Variants in PIEZO2 observed in about 807,000 individuals in gnomAD.
The protein encoded by PIEZO2 is piezo type mechanosensitive ion channel component 2, also known as piezo-type mechanosensitive ion channel component 2.
Under a neutral mutation model 337.3 loss-of-function variants are expected in PIEZO2, and 172 were observed. The observed-to-expected ratio is 0.51, with a 90% CI of 0.45 to 0.58. The LOEUF (loss-of-function observed/expected upper bound fraction) is 0.58, where lower values mean the gene tolerates loss of function less well. PIEZO2 is among the 20% of genes least tolerant of loss of function. The probability of loss-of-function intolerance (pLI) is 0.00; values close to 1 mark genes in which losing one functional copy is unlikely to be tolerated. For missense variants in PIEZO2, 3,028 were observed against 3,391.3 expected, an observed-to-expected ratio of 0.89 and a Z score of 2.66; for synonymous variants, 1,251 against 1,228.5, an observed-to-expected ratio of 1.02 and a Z score of -0.38.
intron 4 of PIEZO2, among the ~76,000 whole-genome samples, chr18:10,901,557 T>C (rs772844418): frequency 1.3e-5 from 2 of 152,022 alleles, no homozygotes; most frequent in Non-Finnish European, 2.9e-5. Context: ...GCGTTCAGAG[T>C]TCAAATCTGC....
chr18:10,768,889 T>C (rs1339108197), intron 21 of PIEZO2, among the ~76,000 whole-genome samples: 2 of 152,190 alleles, frequency 1.3e-5, no homozygotes, highest in Non-Finnish European at 2.9e-5. Flanking sequence ...ACAGGATGGA[T>C]TTATGACAGC....
At chr18:10,719,685 T>A (rs1039070076) in intron 36 of PIEZO2, among the ~76,000 whole-genome samples, 1 of 152,220 alleles carries the variant, frequency 6.6e-6, no homozygotes, top group Admixed American at 6.5e-5. Context: ...CTTTTTAATA[T>A]AATGATTTTC....
At chr18:10,939,838 G>A (rs1335030311) in intron 3 of PIEZO2, among the ~76,000 whole-genome samples, 1 of 152,046 alleles carries the variant, frequency 6.6e-6, no homozygotes. Context: ...AAACCTAGAT[G>A]ATGAGTTGAT....
In PIEZO2 at chr18:10,773,326, A is replaced by G. The variant is rs79147809; in HGVS notation, c.2785+86T>C. The G allele has an allele frequency of 5.9e-3, 7,917 of 1,336,146 alleles. 345 individuals carry two copies. The African/African-American group carries it at 0.098, about 17-fold the overall frequency. The allele number at this position is 1,336,146 out of a possible 1,614,324, so 82.8% of individuals were successfully genotyped here. A position where few individuals can be genotyped will look rare whatever the true frequency, so the allele number is the denominator to read the frequency against. Reference sequence around the variant, plus strand: ...TTATGTCATGGACTGGGTCAAATATATATTCTTTTGGAGCAAGTCAATGTT... The same window carrying G: ...TTATGTCATGGACTGGGTCAAATATGTATTCTTTTGGAGCAAGTCAATGTT... On this transcript the variant is annotated intron_variant, in intron 20 of 55. Transcript: ENST00000674853. The surrounding 1 kb of genome is among the most constrained non-coding windows in gnomAD (Gnocchi z 5.3).
rs2040741089 is a variant in PIEZO2 at position 11,143,919 on chromosome 18, T to G, written c.64+4606A>C. ...TATCTCACAACCATGCATGTAATTC[T>G]TGAGTGTTAAAAGCGAAACAAAACC... On this transcript the variant is annotated intron_variant, in intron 1 of 55. Transcript: ENST00000674853. This position sits in a 1 kb window ranked among gnomAD's most constrained non-coding sequence, Gnocchi z 4.9. Among the ~76,000 whole-genome samples the G allele has an allele frequency of 6.6e-6, 1 of 152,230 alleles. No individual in the cohort carries two copies. The highest frequency in any genetic ancestry group is 6.5e-5 in the Admixed American group (1 of 15,282).
intron 3 of PIEZO2, among the ~76,000 whole-genome samples, chr18:10,968,222 A>T (rs1425987570): frequency 6.6e-6 from 1 of 151,850 alleles, no homozygotes; most frequent in Non-Finnish European, 1.5e-5. Flanking sequence ...TCCTCACTTT[A>T]TGTTCTTGTT....
chr18:11,055,587 G>A (rs1437783483), intron 2 of PIEZO2, among the ~76,000 whole-genome samples: 1 of 151,968 alleles, frequency 6.6e-6, no homozygotes, highest in African/African-American at 2.4e-5. Flanking sequence ...TCAAACTAGG[G>A]TGAATTCTAC....
chr18:10,676,538 C>T lies in PIEZO2; in HGVS notation c.8081+1209G>A, dbSNP rs11080442. 0.24 allele frequency among the ~76,000 whole-genome samples: 36,305 copies of T among 152,170 alleles called. 4,697 individuals are homozygous for T. The highest frequency in any genetic ancestry group is 0.29 in the Non-Finnish European group (19,833 of 68,002). On this transcript the variant is annotated intron_variant, in intron 53 of 55. Coordinates refer to ENST00000674853, the MANE Select transcript of PIEZO2 (RefSeq NM_001378183.1). This position sits in a 1 kb window ranked among gnomAD's most constrained non-coding sequence, Gnocchi z 5.1. The stretch of plus-strand genomic sequence containing the variant: ...TTTTTTTCCAAATTTCCTTTTACCC[C>T]TTGTCCTCCTCAACCGTGTATACTC...
chr18:10,993,421 G>C lies in PIEZO2; in HGVS notation c.161-13761C>G, dbSNP rs1301555369. Among the ~76,000 whole-genome samples, 2 of 152,092 alleles carry C rather than the reference G, an allele frequency of 1.3e-5. No homozygotes were observed. The highest frequency in any genetic ancestry group is 2.9e-5 in the Non-Finnish European group (2 of 68,024). ...TTTATTGAGAGTTTTTAGCATGAAG[G>C]GGTGTTGAATTTTGTTGAAAGCCTT... On this transcript the variant is annotated intron_variant, in intron 2 of 55. Coordinates refer to ENST00000674853, the MANE Select transcript of PIEZO2 (RefSeq NM_001378183.1). The surrounding 1 kb of genome is among the most constrained non-coding windows in gnomAD (Gnocchi z 5.0).
At position 11,148,609 on chromosome 18, in the gene PIEZO2, G is replaced by A. The variant is rs547133297; in HGVS notation, c.-21C>T. 11 of 1,536,664 alleles carry A rather than the reference G, an allele frequency of 7.2e-6. No individual in the cohort carries two copies. Among genetic ancestry groups the A allele is most frequent in the African/African-American group, 1.4e-5 (1 of 72,920 alleles). On this transcript the variant is annotated 5_prime_UTR_variant, in exon 1 of 56. Transcript: ENST00000674853. This position sits in a 1 kb window ranked among gnomAD's most constrained non-coding sequence, Gnocchi z 5.2. Reference sequence around the variant, plus strand: ...GCCATCGCGTCGGTCCGGCGAGTCGGAGCAGAGGGGCGAGGCTCGAGGGTC... The same window carrying A: ...GCCATCGCGTCGGTCCGGCGAGTCGAAGCAGAGGGGCGAGGCTCGAGGGTC...
rs533012470 is a variant in PIEZO2 at position 10,673,593 on chromosome 18, T to A, written c.8162-720A>T. On this transcript the variant is annotated intron_variant, in intron 54 of 55. Coordinates refer to ENST00000674853, the MANE Select transcript of PIEZO2 (RefSeq NM_001378183.1). The surrounding 1 kb of genome is among the most constrained non-coding windows in gnomAD (Gnocchi z 4.8). ...TCTGAGAACCATAATATCGGGTCAG[T>A]GATTACTTTTATTGGAGTTTAGGGT... Among the ~76,000 whole-genome samples the A allele has an allele frequency of 2.6e-4, 40 of 152,248 alleles. No individual in the cohort carries two copies. The highest frequency in any genetic ancestry group is 9.6e-4 in the African/African-American group (40 of 41,558).
chr18:10,964,775 C>A (rs1203610662), intron 3 of PIEZO2, among the ~76,000 whole-genome samples: 1 of 152,204 alleles, frequency 6.6e-6, no homozygotes, highest in African/African-American at 2.4e-5. Context: ...CTACCCAGAG[C>A]CCTTGGCAAC....
At chr18:11,006,769 C>T (rs2035740148) in intron 2 of PIEZO2, among the ~76,000 whole-genome samples, 1 of 152,096 alleles carries the variant, frequency 6.6e-6, no homozygotes, top group Admixed American at 6.6e-5. Flanking sequence ...GCATCCCTTT[C>T]TGTCTTATCT....
rs527853445 is a variant in PIEZO2, at chr18:10,836,570, G to A, written c.917+18783C>T. 6.0e-4 allele frequency among the ~76,000 whole-genome samples: 91 copies of A among 152,272 alleles called. 3 individuals carry two copies. The South Asian group carries it at 7.9e-3, about 13-fold the overall frequency. ...CCATTACTTTGTGGCTAATTACTAG[G>A]TTAAGGTAATGAGGTATATGATGTC... On this transcript the variant is annotated intron_variant, in intron 7 of 55. Coordinates refer to ENST00000674853, the MANE Select transcript of PIEZO2 (RefSeq NM_001378183.1).
rs1358026214 is a variant in PIEZO2 at position 11,014,994 on chromosome 18, ATT to A, written c.161-35336_161-35335del. Among the ~76,000 whole-genome samples the A allele has an allele frequency of 4.6e-3, 597 of 129,966 alleles. 38 individuals are homozygous for A. The highest frequency in any genetic ancestry group is 0.013 in the African/African-American group (413 of 32,154). The allele number at this position is 129,966 out of a possible 152,430, so 85.3% of individuals were successfully genotyped here. ...TGGGACAGCAATCCAGGGCCCCCTC[ATT>A]CCTCAGTGTGGGGAAGATGTCACCC... On this transcript the variant is annotated intron_variant, in intron 2 of 55. Transcript: ENST00000674853.
intron 3 of PIEZO2, among the ~76,000 whole-genome samples, chr18:10,959,068 G>A (rs978926153): frequency 6.6e-6 from 1 of 152,104 alleles, no homozygotes; most frequent in African/African-American, 2.4e-5. Flanking sequence ...TTAAATATAT[G>A]TCATCAGCAA....
chr18:11,136,736 C>A (rs530253017), intron 1 of PIEZO2, among the ~76,000 whole-genome samples: 91 of 152,158 alleles, frequency 6.0e-4, no homozygotes, highest in African/African-American at 2.0e-3. Flanking sequence ...CGTAGGGAGC[C>A]CCAGTGTGAG....
intron 1 of PIEZO2, among the ~76,000 whole-genome samples, chr18:11,142,308 A>G (rs1437560626): frequency 1.3e-5 from 2 of 152,152 alleles, no homozygotes; most frequent in South Asian, 2.1e-4. Context: ...CTATTAGATA[A>G]TCACTAGACA....
chr18:10,820,093 T>C (rs2040478999), intron 7 of PIEZO2, among the ~76,000 whole-genome samples: 1 of 152,206 alleles, frequency 6.6e-6, no homozygotes, highest in Admixed American at 6.5e-5. Flanking sequence ...TTTGACTGTT[T>C]TAAATATTTT....
Sources: allele counts gnomAD v4.1 joint callset (sites outside exome capture counted in the v4.1 genomes callset), GRCh38; gene constraint gnomAD v4.1.1; non-coding constraint Gnocchi (gnomAD v3.1); transcripts MANE v1.5; gene names NCBI Gene and HGNC (gene_info 2026-07-23, HGNC 2026-07-21).